TUBGCP3: variants seen among roughly 807,000 people sequenced by gnomAD.
The protein encoded by TUBGCP3 is gamma-tubulin complex component 3.
In TUBGCP3, 50 loss-of-function variants were observed where a neutral mutation model predicts 123.1. The observed-to-expected ratio is 0.41, with a 90% CI of 0.32 to 0.51. The LOEUF (loss-of-function observed/expected upper bound fraction) is 0.51. Ranked by LOEUF, TUBGCP3 falls within the 20% of genes least tolerant of loss-of-function variation. TUBGCP3 has a pLI of 0.36. For synonymous variants in TUBGCP3, 405 were observed against 413.9 expected, an observed-to-expected ratio of 0.98 and a Z score of 0.26; for missense variants, 882 against 1,127.0, an observed-to-expected ratio of 0.78 and a Z score of 3.11.
intron 2 of TUBGCP3, among the ~76,000 whole-genome samples, chr13:112,566,873 A>G (rs924466348): frequency 4.0e-4 from 61 of 152,246 alleles, no homozygotes; most frequent in African/African-American, 1.4e-3. Context: ...TTTGTCACAC[A>G]TGATGACTTT....
At position 112,587,986 on chromosome 13, in the gene TUBGCP3, C is replaced by G; in HGVS notation, c.-6G>C. 1 of 1,571,844 alleles carries G rather than the reference C, an allele frequency of 6.4e-7. No individual in the cohort carries two copies. The highest frequency in any genetic ancestry group is 1.2e-5 in the South Asian group (1 of 85,760). On this transcript the variant is annotated 5_prime_UTR_variant, in exon 1 of 22. Coordinates refer to ENST00000261965, the MANE Select transcript of TUBGCP3 (RefSeq NM_006322.6). ...TTCTGGTCCGGGGTCGCCATCCTCGCCCGGAGCCGTGCACGGTGGTCCGGG... is the reference window on the plus strand; with the variant it reads ...TTCTGGTCCGGGGTCGCCATCCTCGGCCGGAGCCGTGCACGGTGGTCCGGG...
At chr13:112,601,148 C>T in the TUBGCP3 span, among the ~76,000 whole-genome samples, 6 of 142,224 alleles carry the variant, frequency 4.2e-5, no homozygotes, top group South Asian at 1.3e-3. Flanking sequence ...GATCACGCCA[C>T]TGCACTCTAG....
intron 20 of TUBGCP3, among the ~76,000 whole-genome samples, chr13:112,494,971 TC>T: frequency 6.6e-6 from 1 of 152,230 alleles, no homozygotes; most frequent in East Asian, 1.9e-4. Context: ...TGGTTATCAA[TC>T]CCTCGCCAAT....
At chr13:112,521,151 C>T (rs1035992190) in intron 14 of TUBGCP3, among the ~76,000 whole-genome samples, 1 of 152,206 alleles carries the variant, frequency 6.6e-6, no homozygotes, top group African/African-American at 2.4e-5. Context: ...GCCCCCATGG[C>T]ATTAGAGAAC....
chr13:112,530,088 G>C (rs1877456261), intron 11 of TUBGCP3, among the ~76,000 whole-genome samples: 1 of 152,126 alleles, frequency 6.6e-6, no homozygotes, highest in East Asian at 1.9e-4. Flanking sequence ...ACGTATTCTA[G>C]GCCACAGAAA....
chr13:112,528,259 T>C (rs1042046102), intron 11 of TUBGCP3, among the ~76,000 whole-genome samples: 3 of 152,284 alleles, frequency 2.0e-5, no homozygotes, highest in African/African-American at 7.2e-5. Context: ...TGCACTTTTA[T>C]TTCTATAAAC....
intron 20 of TUBGCP3, among the ~76,000 whole-genome samples, chr13:112,496,043 G>A (rs1423340975): frequency 6.6e-6 from 1 of 152,148 alleles, no homozygotes; most frequent in Non-Finnish European, 1.5e-5. Context: ...CATATCAGCA[G>A]CAGCATTGAG....
rs527254329 is a variant in TUBGCP3, at chr13:112,563,894, T to C, written c.252+1217A>G. Among the ~76,000 whole-genome samples the C allele has an allele frequency of 9.3e-5, 14 of 151,256 alleles. No individual in the cohort carries two copies. The South Asian group carries it at 2.9e-3, about 32-fold the overall frequency. On this transcript the variant is annotated intron_variant, in intron 3 of 21. Transcript: ENST00000261965. ...CGCCTCAAAAAAAAAAAAAAGTGTC[T>C]AAATATGTTTTCATCCAATGGCTAA...
chr13:112,487,726 C>T (rs1041332869), intron 21 of TUBGCP3, among the ~76,000 whole-genome samples: 1 of 152,160 alleles, frequency 6.6e-6, no homozygotes, highest in East Asian at 1.9e-4. Context: ...CAGTCACTAC[C>T]CCCTTTTATG....
chr13:112,604,124 T>G, the TUBGCP3 span: 1 of 152,342 alleles, frequency 6.6e-6, no homozygotes, highest in East Asian at 1.9e-4. Context: ...CCAGTCAAAT[T>G]CAAATGCTTT....
intron 1 of TUBGCP3, chr13:112,587,183 G>C (rs927054183): frequency 3.3e-5 from 5 of 152,158 alleles, no homozygotes; most frequent in Non-Finnish European, 5.9e-5. Flanking sequence ...ATGGCATCCT[G>C]TACCATTTCT....
At chr13:112,578,586 A>AGAACCTGCTCTCCATTATCTC (rs1882038733) in intron 1 of TUBGCP3, among the ~76,000 whole-genome samples, 1 of 147,842 alleles carries the variant, frequency 6.8e-6, no homozygotes, top group Admixed American at 6.7e-5. Context: ...AAAAAAAAAA[A>AGAACCTGCTCTCCATTATCTC]GAACCTGCTC....
chr13:112,516,547 T>C lies in TUBGCP3; in HGVS notation c.1979A>G (p.Tyr660Cys). 1 of 1,614,056 alleles carries C rather than the reference T, an allele frequency of 6.2e-7. No individual in the cohort carries two copies. Among genetic ancestry groups the C allele is most frequent in the Non-Finnish European group, 8.5e-7 (1 of 1,179,976 alleles). Residue 660 changes from tyrosine (Y) to cysteine (C), a missense_variant, in exon 17 of 22, where the codon TAC becomes TGC. Physicochemically the swap from Tyr to Cys is radical, Grantham distance 194 (BLOSUM62 -2). Coordinates refer to ENST00000261965, the MANE Select transcript of TUBGCP3 (RefSeq NM_006322.6). ...TVFTRECMSH[Y>C]LRVFNFLWRA... ...CCAGAGGAAGTTAAATACTCTTAGGTAGTGGCTCATACATTCTCGAGTAAA... is the reference window on the plus strand; with the variant it reads ...CCAGAGGAAGTTAAATACTCTTAGGCAGTGGCTCATACATTCTCGAGTAAA...
At chr13:112,506,863 G>A (rs1018389784) in intron 17 of TUBGCP3, among the ~76,000 whole-genome samples, 2 of 152,170 alleles carry the variant, frequency 1.3e-5, no homozygotes, top group Admixed American at 6.5e-5. Context: ...GAGATTCTAA[G>A]GACAGTAACC....
At position 112,565,164 on chromosome 13, in the gene TUBGCP3, T is replaced by C. The variant is rs1347466396; in HGVS notation, c.199A>G (p.Arg67Gly). ...GAAAATAATGCAGCATCTGCTTCTC[T>C]TCGTTGTCGAATAACTGAAAAGACA... Reference protein sequence around the residue: ...KIKKELIRQRREADAALFSEL... With the variant: ...KIKKELIRQRGEADAALFSEL... Residue 67 changes from arginine to glycine, a missense_variant, in exon 3 of 22, where the codon AGA (arginine) becomes GGA (glycine). By Grantham distance (125) the Arg-to-Gly change is moderately radical. This residue lies in a region of TUBGCP3 where 713 missense variants were observed against 874.0 expected (regional missense o/e 0.82). Transcript: ENST00000261965. The C allele has an allele frequency of 2.5e-6, 4 of 1,613,246 alleles. No homozygotes were observed. The highest frequency in any genetic ancestry group is 1.3e-5 in the African/African-American group (1 of 74,924).
Position 112,504,655 on chromosome 13 carries a change from G to T in TUBGCP3, c.2146C>A (p.His716Asn). ...AATGTGATGTAATACTGCATCTGAT[G>T]AATGAAATGGACCATCTCAGAGGCC... ...ILASEMVHFI[H>N]QMQYYITFEV... The change falls in exon 18 of 22, where the codon CAT becomes AAT. Residue 716 changes from histidine to asparagine, a missense_variant. By Grantham distance (68) the His-to-Asn change is moderately conservative. Transcript: ENST00000261965. The T allele has an allele frequency of 1.2e-6, 2 of 1,613,908 alleles. No homozygotes were observed. The highest frequency in any genetic ancestry group is 1.7e-6 in the Non-Finnish European group (2 of 1,179,972).
chr13:112,566,793 A>G (rs1880980157), intron 2 of TUBGCP3, among the ~76,000 whole-genome samples: 2 of 152,246 alleles, frequency 1.3e-5, no homozygotes, highest in Non-Finnish European at 2.9e-5. Flanking sequence ...TTCTCTATTA[A>G]ATTGATTCTC....
At chr13:112,543,919 A>G (rs1878732724) in intron 11 of TUBGCP3, among the ~76,000 whole-genome samples, 1 of 152,268 alleles carries the variant, frequency 6.6e-6, no homozygotes, top group African/African-American at 2.4e-5. Flanking sequence ...CAGAAGAAGA[A>G]ATAAAAAAAT....
At chr13:112,530,253 T>G (rs529853827) in intron 11 of TUBGCP3, among the ~76,000 whole-genome samples, 3 of 152,350 alleles carry the variant, frequency 2.0e-5, no homozygotes, top group Middle Eastern at 6.8e-3. Flanking sequence ...AATAAAATAT[T>G]CTTCGTCAGC....
Sources: gnomAD v4.1 joint callset for allele counts (sites outside exome capture counted in the v4.1 genomes callset) on GRCh38, gnomAD v4.1.1 for gene constraint, gnomAD v4.1.1 regional missense constraint, MANE v1.5 for transcripts, NCBI Gene and HGNC (gene_info 2026-07-23, HGNC 2026-07-21) for gene names.